Variants in CRACR2A observed in about 807,000 individuals in gnomAD.
CRACR2A encodes EF-hand calcium-binding domain-containing protein 4B.
CRACR2A carries 79 observed loss-of-function variants against 90.5 expected under a neutral mutation model. That is an observed-to-expected ratio of 0.87 (90% CI 0.73 to 1.05). The LOEUF is 1.05. Ranked by LOEUF, CRACR2A falls within the 50% of genes least tolerant of loss-of-function variation. The pLI, the probability that CRACR2A is intolerant of heterozygous loss-of-function variation, is 0.00. For missense variants in CRACR2A, 823 were observed against 897.2 expected (o/e 0.92, Z 1.06); for synonymous variants, 338 against 356.7 (o/e 0.95, Z 0.59).
intron 11 of CRACR2A, among the ~76,000 whole-genome samples, chr12:3,647,610 C>T (rs1944713012): frequency 1.3e-5 from 2 of 152,160 alleles, no homozygotes; most frequent in South Asian, 2.1e-4. Flanking sequence ...TTACATGTTC[C>T]CTGGCTCTGG....
intron 4 of CRACR2A, among the ~76,000 whole-genome samples, chr12:3,690,374 G>A (rs373802292): frequency 4.6e-5 from 7 of 152,240 alleles, no homozygotes; most frequent in East Asian, 1.9e-4. Flanking sequence ...GTTTTCATTA[G>A]TTTCAAAGAA....
intron 2 of CRACR2A, among the ~76,000 whole-genome samples, chr12:3,723,953 C>T (rs963195440): frequency 6.6e-6 from 1 of 152,170 alleles, no homozygotes; most frequent in Admixed American, 6.5e-5. Flanking sequence ...TGAAGGCACT[C>T]CTATGCCCTT....
intron 3 of CRACR2A, 68 bp downstream of exon 3, chr12:3,713,169 A>T: frequency 1.3e-6 from 1 of 769,952 alleles, no homozygotes; most frequent in Non-Finnish European, 1.6e-6. Flanking sequence ...GCAGGGCCTG[A>T]AGTTGGGGTC....
At chr12:3,632,208 C>T (rs1250790621) in intron 15 of CRACR2A, among the ~76,000 whole-genome samples, 2 of 152,194 alleles carry the variant, frequency 1.3e-5, no homozygotes, top group African/African-American at 4.8e-5. Context: ...TTTCCCTTTA[C>T]CTTCCGCCAT....
intron 10 of CRACR2A, 62 bp downstream of exon 10, chr12:3,654,150 C>T: frequency 6.4e-7 from 1 of 1,571,650 alleles, no homozygotes; most frequent in South Asian, 1.1e-5. Flanking sequence ...GGCGAGGGGA[C>T]ATGCCCATAG....
intron 4 of CRACR2A, among the ~76,000 whole-genome samples, chr12:3,687,661 C>T (rs1314825575): frequency 6.6e-6 from 1 of 152,150 alleles, no homozygotes; most frequent in African/African-American, 2.4e-5. Flanking sequence ...TGGACACATA[C>T]ATGTGTCTTT....
At chr12:3,668,876 A>G (rs1434837178) in intron 7 of CRACR2A, among the ~76,000 whole-genome samples, 1 of 152,206 alleles carries the variant, frequency 6.6e-6, no homozygotes, top group African/African-American at 2.4e-5. Flanking sequence ...GGTCTGATTC[A>G]GATGGACCAG....
chr12:3,678,593 C>T (rs1945380412), intron 6 of CRACR2A, among the ~76,000 whole-genome samples: 1 of 152,004 alleles, frequency 6.6e-6, no homozygotes, highest in Admixed American at 6.6e-5. Flanking sequence ...TGTGTGAGTG[C>T]CTCATGAGGA....
intron 6 of CRACR2A, among the ~76,000 whole-genome samples, chr12:3,678,009 C>G (rs1945367528): frequency 6.6e-6 from 1 of 152,190 alleles, no homozygotes; most frequent in Non-Finnish European, 1.5e-5. Flanking sequence ...CTAGCCCCTT[C>G]TCTTCCCAAG....
At chr12:3,723,642 C>A (rs2137821989) in intron 2 of CRACR2A, among the ~76,000 whole-genome samples, 1 of 152,168 alleles carries the variant, frequency 6.6e-6, no homozygotes, top group African/African-American at 2.4e-5. Context: ...CTAACCTCAG[C>A]CCCACATCTC....
chr12:3,641,378 T>C (rs1301283302), intron 13 of CRACR2A, among the ~76,000 whole-genome samples: 1 of 152,078 alleles, frequency 6.6e-6, no homozygotes, highest in Admixed American at 6.6e-5. Flanking sequence ...CGAAACCAAG[T>C]GCATCCATTC....
chr12:3,704,717 C>A (rs968442689), intron 3 of CRACR2A, among the ~76,000 whole-genome samples: 1 of 152,196 alleles, frequency 6.6e-6, no homozygotes, highest in Non-Finnish European at 1.5e-5. Flanking sequence ...CTTTTACATT[C>A]AACTCTGGCA....
chr12:3,740,755 G>C (rs78134047), intron 1 of CRACR2A, among the ~76,000 whole-genome samples: 2 of 152,198 alleles, frequency 1.3e-5, no homozygotes, highest in Non-Finnish European at 2.9e-5. Flanking sequence ...GGGCTCTGCA[G>C]TCAAGTGCCT....
intron 10 of CRACR2A, among the ~76,000 whole-genome samples, chr12:3,651,534 T>G (rs1398652914): frequency 6.6e-6 from 1 of 152,264 alleles, no homozygotes; most frequent in Non-Finnish European, 1.5e-5. Flanking sequence ...CCTTCATCTT[T>G]ACATTATCTC....
At chr12:3,621,663 A>AAAAAAAAAAAAAAAAAAAAC (rs1944139758) in intron 17 of CRACR2A, among the ~76,000 whole-genome samples, 1 of 143,522 alleles carries the variant, frequency 7.0e-6, no homozygotes, top group Non-Finnish European at 1.5e-5. Context: ...AAAAAAAAAA[A>AAAAAAAAAAAAAAAAAAAAC]AAAAAAAAAA....
intron 17 of CRACR2A, among the ~76,000 whole-genome samples, chr12:3,623,163 C>T (rs1944180953): frequency 6.6e-6 from 1 of 152,232 alleles, no homozygotes; most frequent in South Asian, 2.1e-4. Context: ...AAAGCCCTCG[C>T]TTCTAGATCG....
Position 3,679,060 on chromosome 12 carries a change from C to T in CRACR2A, c.379G>A (p.Asp127Asn). The T allele has an allele frequency of 6.2e-7, 1 of 1,613,532 alleles. No individual in the cohort carries two copies. The change falls in exon 6 of 20, where the codon GAT becomes AAT. Residue 127 changes from aspartate (D) to asparagine (N), a missense_variant. Asp to Asn is a conservative substitution (Grantham distance 23). Coordinates refer to ENST00000440314, the MANE Select transcript of CRACR2A (RefSeq NM_001144958.2). ...CGCTGGGCCACCTGTTCACCTGCAT[C>T]TTCCTGACTTGGGTTATTCTGGCTG... ...FFSQNNPSQE[D>N]AGEQVAQRHE...
rs572935153 is a variant in CRACR2A, at chr12:3,619,759, T to C, written c.1933-387A>G. Among the ~76,000 whole-genome samples the C allele has an allele frequency of 2.0e-5, 3 of 152,334 alleles. No homozygotes were observed. The East Asian group carries it at 5.8e-4, about 29-fold the overall frequency. On this transcript the variant is annotated intron_variant, in intron 17 of 19. Transcript: ENST00000440314. ...TACAGCACCCTGAGGGCGTGCCTAA[T>C]TGGCCAGGCTTAGTCCGATGGACCA... is the stretch of plus-strand genomic sequence containing the variant.
intron 9 of CRACR2A, 37 bp downstream of exon 9, chr12:3,656,263 GGAGAGAGTGAA>G: frequency 6.3e-7 from 1 of 1,576,174 alleles, no homozygotes; most frequent in Non-Finnish European, 8.7e-7. Flanking sequence ...GCAGAGAAAA[GGAGAGAGTGAA>G]GAGCCAGGTA....
Sources: allele counts gnomAD v4.1 joint callset (sites outside exome capture counted in the v4.1 genomes callset), GRCh38; gene constraint gnomAD v4.1.1; transcripts MANE v1.5; gene names NCBI Gene and HGNC (gene_info 2026-07-23, HGNC 2026-07-21).